ALK: variants seen among roughly 807,000 people sequenced by gnomAD.
ALK encodes ALK receptor tyrosine kinase, also known as ALK tyrosine kinase receptor.
A neutral mutation model predicts 163.1 loss-of-function variants in ALK; 74 were observed. The observed-to-expected ratio is 0.45, with a 90% CI of 0.38 to 0.55. ALK has a LOEUF of 0.55. Among genes scored for constraint, ALK ranks in the 20% least tolerant of loss-of-function variants. The pLI is 0.00. For synonymous variants in ALK, 960 were observed against 843.2 expected, an observed-to-expected ratio of 1.14 and a Z score of -2.40; for missense variants, 2,063 against 2,105.3, an observed-to-expected ratio of 0.98 and a Z score of 0.39.
At chr2:29,333,668 C>T (rs956703283) in intron 5 of ALK, among the ~76,000 whole-genome samples, 10 of 152,132 alleles carry the variant, frequency 6.6e-5, no homozygotes, top group Admixed American at 2.0e-4. Context: ...TAGGTTGGAG[C>T]GTCATGGCGC....
At chr2:29,385,086 T>G (rs535611996) in intron 4 of ALK, among the ~76,000 whole-genome samples, 1 of 151,418 alleles carries the variant, frequency 6.6e-6, no homozygotes, top group South Asian at 2.1e-4. Context: ...TTTGGCTTAT[T>G]TATACATCTA....
chr2:29,753,974 G>T (rs959628906), intron 1 of ALK, among the ~76,000 whole-genome samples: 2 of 152,144 alleles, frequency 1.3e-5, no homozygotes. Flanking sequence ...TGTAAGAAAA[G>T]TAAAGCAGAT....
At chr2:29,249,832 G>C (rs942300267) in intron 12 of ALK, among the ~76,000 whole-genome samples, 1 of 152,176 alleles carries the variant, frequency 6.6e-6, no homozygotes, top group Non-Finnish European at 1.5e-5. Context: ...GGGGTGGTCC[G>C]GTGTCTTCCG....
chr2:29,819,779 C>G (rs1664995706), intron 1 of ALK, among the ~76,000 whole-genome samples: 2 of 152,228 alleles, frequency 1.3e-5, no homozygotes, highest in East Asian at 3.9e-4. Context: ...TGCTAGACTC[C>G]CCATGGTCAG....
chr2:29,227,452 G>C lies in ALK; in HGVS notation c.2914+122C>G. 1.1e-6 allele frequency: 1 copy of C among 908,058 alleles called. No homozygotes were observed. Among genetic ancestry groups the C allele is most frequent in the Non-Finnish European group, 1.9e-6 (1 of 539,560 alleles). 56.3% of individuals were successfully genotyped at this position (908,058 alleles called of 1,614,324 possible). A position where few individuals can be genotyped will look rare whatever the true frequency, so the allele number is the denominator to read the frequency against. On this transcript the variant is annotated intron_variant, in intron 17 of 28. Transcript: ENST00000389048. The surrounding 1 kb of genome is among the most constrained non-coding windows in gnomAD (Gnocchi z 4.4). ...TGGTGACCTGCGCCATAGGAAGCTT[G>C]CCTGCCAGGGACCCATAATTGTGCC...
intron 4 of ALK, among the ~76,000 whole-genome samples, chr2:29,497,303 G>T (rs1672054811): frequency 6.6e-6 from 1 of 152,044 alleles, no homozygotes; most frequent in Non-Finnish European, 1.5e-5. Context: ...TGATGATTGT[G>T]GTCATCACAG....
intron 1 of ALK, among the ~76,000 whole-genome samples, chr2:29,722,069 T>TTGGA (rs1316059767): frequency 6.6e-6 from 1 of 152,252 alleles, no homozygotes; most frequent in Non-Finnish European, 1.5e-5. Context: ...TCCCTGCTTC[T>TTGGA]TGGATTTTTC....
intron 1 of ALK, among the ~76,000 whole-genome samples, chr2:29,801,155 A>C (rs1664459042): frequency 6.6e-6 from 1 of 152,222 alleles, no homozygotes; most frequent in African/African-American, 2.4e-5. Flanking sequence ...CTGATGGAGG[A>C]AAAAGAAAAG....
chr2:29,234,276 G>C (rs925109061), intron 13 of ALK, among the ~76,000 whole-genome samples: 1 of 152,160 alleles, frequency 6.6e-6, no homozygotes, highest in Non-Finnish European at 1.5e-5. Flanking sequence ...GAATTAAACG[G>C]AACAGTGTGA....
chr2:29,279,424 AGTGGGACAAAG>A (rs1173076945), intron 9 of ALK, among the ~76,000 whole-genome samples: 1 of 152,158 alleles, frequency 6.6e-6, no homozygotes, highest in Non-Finnish European at 1.5e-5. Context: ...GGGAAGGGAC[AGTGGGACAAAG>A]GTGGGACAAA....
chr2:29,521,996 A>G (rs1348016913), intron 4 of ALK, among the ~76,000 whole-genome samples: 1 of 152,224 alleles, frequency 6.6e-6, no homozygotes, highest in African/African-American at 2.4e-5. Context: ...TAACTTTGCC[A>G]TTTATTGCGG....
chr2:29,217,429 C>G (rs960405491), intron 23 of ALK, among the ~76,000 whole-genome samples: 1 of 151,804 alleles, frequency 6.6e-6, no homozygotes, highest in Non-Finnish European at 1.5e-5. Context: ...TTGGCAAACC[C>G]GATGCTGAAT....
chr2:29,793,319 G>A lies in ALK; in HGVS notation c.668-75622C>T, dbSNP rs142278100. On this transcript the variant is annotated intron_variant, in intron 1 of 28. Coordinates refer to ENST00000389048, the MANE Select transcript of ALK (RefSeq NM_004304.5). ...TGCTATTTCCATCACATCTCCAATT[G>A]CTGCCTCCAACGAAGACTCTACTGA... 6.8e-3 allele frequency among the ~76,000 whole-genome samples: 1,027 copies of A among 152,118 alleles called. 3 individuals carry two copies. The highest frequency in any genetic ancestry group is 0.01 in the Middle Eastern group (3 of 294).
intron 1 of ALK, among the ~76,000 whole-genome samples, chr2:29,829,497 C>T (rs1285866965): frequency 6.6e-6 from 1 of 152,054 alleles, no homozygotes; most frequent in Non-Finnish European, 1.5e-5. Context: ...ACTCTCGGTC[C>T]TACTGCATGT....
At chr2:29,489,738 A>T (rs936624089) in intron 4 of ALK, among the ~76,000 whole-genome samples, 1 of 152,240 alleles carries the variant, frequency 6.6e-6, no homozygotes, top group Non-Finnish European at 1.5e-5. Flanking sequence ...GGACCGAAGA[A>T]GCCTATTCTA....
chr2:29,344,182 T>A (rs1667881273), intron 5 of ALK, among the ~76,000 whole-genome samples: 1 of 152,164 alleles, frequency 6.6e-6, no homozygotes, highest in African/African-American at 2.4e-5. Flanking sequence ...TGGCAATTAA[T>A]AATAAAAATA....
chr2:29,434,436 A>G (rs970952120), intron 4 of ALK, among the ~76,000 whole-genome samples: 5 of 152,202 alleles, frequency 3.3e-5, no homozygotes, highest in African/African-American at 9.7e-5. Flanking sequence ...CTGATGCATA[A>G]TTTGCATGGC....
intron 1 of ALK, among the ~76,000 whole-genome samples, chr2:29,843,873 C>T (rs907842468): frequency 6.6e-6 from 1 of 152,178 alleles, no homozygotes; most frequent in Non-Finnish European, 1.5e-5. Flanking sequence ...ATGCTGAGCA[C>T]ATTATTAGGC....
intron 4 of ALK, among the ~76,000 whole-genome samples, chr2:29,411,430 A>G (rs1459073342): frequency 3.4e-3 from 2 of 580 alleles, no homozygotes; most frequent in African/African-American, 2.2e-3. Context: ...CTCTCTATTA[A>G]AAAAAAAAAA....
Sources: allele counts gnomAD v4.1 joint callset (sites outside exome capture counted in the v4.1 genomes callset), GRCh38; gene constraint gnomAD v4.1.1; non-coding constraint Gnocchi (gnomAD v3.1); transcripts MANE v1.5; gene names NCBI Gene and HGNC (gene_info 2026-07-23, HGNC 2026-07-21).